The following SACS variants were observed in gnomAD, a reference collection of about 807,000 sequenced individuals.
The protein encoded by SACS is sacsin molecular chaperone, also known as sacsin.
SACS carries 197 observed loss-of-function variants against 348.0 expected under a neutral mutation model. That is an observed-to-expected ratio of 0.57 (90% CI 0.50 to 0.64). The LOEUF is 0.64. SACS is among the 30% of genes least tolerant of loss of function. The pLI is 0.00. For synonymous variants in SACS, 1,985 were observed against 1,910.6 expected (o/e 1.04, Z -1.02); for missense variants, 4,999 against 5,360.8 (o/e 0.93, Z 2.11).
intron 9 of SACS, 46 bp downstream of exon 9, chr13:23,353,739 T>C (rs1266178251): frequency 9.1e-7 from 1 of 1,093,026 alleles, no homozygotes; most frequent in Admixed American, 2.0e-5. Flanking sequence ...AAAAAACTTG[T>C]ATTTTTATAT....
rs1168243208 is a variant in SACS at position 23,411,420 on chromosome 13, T to A, written c.-181A>T. 4.7e-6 allele frequency: 3 copies of A among 643,368 alleles called. No homozygotes were observed. The highest frequency in any genetic ancestry group is 8.4e-6 in the Non-Finnish European group (3 of 358,930). 39.9% of individuals were successfully genotyped at this position (643,368 alleles called of 1,614,324 possible). On this transcript the variant is annotated 5_prime_UTR_variant, in exon 2 of 10. Transcript: ENST00000382292. ...TTCATCATCTGATGTCAGGAAACATTGTCGTGTGTTGCATTTGTATTCCTT... is the reference window on the plus strand; with the variant it reads ...TTCATCATCTGATGTCAGGAAACATAGTCGTGTGTTGCATTTGTATTCCTT...
intron 2 of SACS, among the ~76,000 whole-genome samples, chr13:23,394,690 C>A (rs1053894207): frequency 2.6e-5 from 4 of 152,128 alleles, no homozygotes; most frequent in Admixed American, 6.5e-5. Context: ...CCCATCTCTG[C>A]TAAAAATACA....
rs750316483 is a variant in SACS at position 23,338,979 on chromosome 13, C to T, written c.4897G>A (p.Val1633Ile). Residue 1633 changes from valine to isoleucine, a missense_variant, in exon 10 of 10, where the codon GTA becomes ATA. Physicochemically the swap from Val to Ile is conservative, Grantham distance 29. Coordinates refer to ENST00000382292, the MANE Select transcript of SACS (RefSeq NM_014363.6). ...CCATTATAGCTGTAAGGTGCTTCTA[C>T]AGTCAAAGGTAACTGACAGCCAAAT... is the stretch of plus-strand genomic sequence containing the variant. ...DVFGCQLPLT[V>I]EAPYSYNGTL... The T allele has an allele frequency of 1.2e-6, 2 of 1,613,902 alleles. No individual in the cohort carries two copies. The highest frequency in any genetic ancestry group is 8.5e-7 in the Non-Finnish European group (1 of 1,179,908).
Position 23,337,692 on chromosome 13 carries a change from A to T in SACS, c.6184T>A (p.Phe2062Ile). 1 of 1,612,954 alleles carries T rather than the reference A, an allele frequency of 6.2e-7. No homozygotes were observed. The highest frequency in any genetic ancestry group is 8.5e-7 in the Non-Finnish European group (1 of 1,179,750). ...SEKQFFSEVF[F>I]PNIQEIEAEL... ...GCTTCAATTTCTTGAATATTTGGAA[A>T]AAACACTTCAGAAAAAAACTGTTTC... The change falls in exon 10 of 10, where the codon TTT becomes ATT. Residue 2062 changes from phenylalanine to isoleucine, a missense_variant. By Grantham distance (21) the Phe-to-Ile change is conservative. Transcript: ENST00000382292.
At position 23,420,971 on chromosome 13, in the gene SACS, G is replaced by A. The variant is rs186320980; in HGVS notation, c.-501-9231C>T. On this transcript the variant is annotated intron_variant, in intron 1 of 9. Transcript: ENST00000382292. ...CCACTTGGGTGTTGGTGTCCACCAGGAGCCTAATGTCCACCAGAGTCCTGG... is the reference window on the plus strand; with the variant it reads ...CCACTTGGGTGTTGGTGTCCACCAGAAGCCTAATGTCCACCAGAGTCCTGG... Among the ~76,000 whole-genome samples, 41 of 152,172 alleles carry A rather than the reference G, an allele frequency of 2.7e-4. No individual in the cohort carries two copies. The East Asian group carries it at 6.4e-3, about 24-fold the overall frequency.
Position 23,340,462 on chromosome 13 carries a change from A to G in SACS, c.3414T>C (p.Asn1138=), listed in dbSNP as rs146431793. The G allele has an allele frequency of 1.0e-4, 162 of 1,613,592 alleles. No individual in the cohort carries two copies. The highest frequency in any genetic ancestry group is 1.2e-4 in the Non-Finnish European group (144 of 1,179,888). ...CTTCAGATGATTGCAACAGTGTGTG[A>G]TTCTTATTTAAAACCAGTAAGAGGG... ...AKTLLLVLNK[N]HTLLQSSEGK... Residue 1138 remains asparagine (N), a synonymous_variant, in exon 10 of 10, where the codon AAT becomes AAC. Coordinates refer to ENST00000382292, the MANE Select transcript of SACS (RefSeq NM_014363.6).
At chr13:23,360,619 C>T (rs557741246) in intron 6 of SACS, among the ~76,000 whole-genome samples, 1 of 152,200 alleles carries the variant, frequency 6.6e-6, no homozygotes, top group South Asian at 2.1e-4. Context: ...GACAGCTGAC[C>T]GCTGACCCCT....
intron 3 of SACS, among the ~76,000 whole-genome samples, chr13:23,372,466 T>C (rs1871453677): frequency 6.6e-6 from 1 of 152,248 alleles, no homozygotes; most frequent in African/African-American, 2.4e-5. Context: ...TGCAGCTGCC[T>C]ACTGAACATC....
Position 23,334,920 on chromosome 13 carries a change from G to A in SACS, c.8956C>T (p.His2986Tyr). The A allele has an allele frequency of 6.2e-7, 1 of 1,613,858 alleles. No individual in the cohort carries two copies. The highest frequency in any genetic ancestry group is 8.5e-7 in the Non-Finnish European group (1 of 1,179,832). The part of the protein sequence containing the change: ...CLVKALYNCI[H>Y]EDMKRLLPVV... ...GGTAAAAGACGTTTCATGTCTTCGT[G>A]AATGCAATTGTAAAGTGCTTTCACT... The change falls in exon 10 of 10, where the codon CAC (histidine) becomes TAC (tyrosine). Residue 2986 changes from histidine (H) to tyrosine (Y), a missense_variant. His to Tyr is a moderately conservative substitution (Grantham distance 83). Coordinates refer to ENST00000382292, the MANE Select transcript of SACS (RefSeq NM_014363.6).
At chr13:23,382,189 T>C (rs1048042272) in intron 2 of SACS, among the ~76,000 whole-genome samples, 15 of 152,234 alleles carry the variant, frequency 9.9e-5, no homozygotes, top group African/African-American at 1.7e-4. Context: ...AGTCTCGCTT[T>C]GTTGCCCAGG....
chr13:23,342,638 G>A (rs736175), intron 9 of SACS, among the ~76,000 whole-genome samples: 1 of 151,970 alleles, frequency 6.6e-6, no homozygotes. Flanking sequence ...TGGGGTTTCA[G>A]ATTTTTGGGT....
chr13:23,354,004 C>CA, intron 8 of SACS, 128 bp from the exon 9 acceptor site: 1 of 675,056 alleles, frequency 1.5e-6, no homozygotes, highest in Non-Finnish European at 2.7e-6. Context: ...ATGCACACAT[C>CA]AAATCAAATT....
chr13:23,330,685 G>A lies in SACS; in HGVS notation c.13191C>T (p.Phe4397=), dbSNP rs758008743. The A allele has an allele frequency of 1.9e-6, 3 of 1,614,058 alleles. No individual in the cohort carries two copies. Among genetic ancestry groups the A allele is most frequent in the Non-Finnish European group, 1.7e-6 (2 of 1,179,976 alleles). Residue 4397 remains phenylalanine (F), a synonymous_variant, in exon 10 of 10, where the codon TTC becomes TTT. Coordinates refer to ENST00000382292, the MANE Select transcript of SACS (RefSeq NM_014363.6). ...FQSDKYSFQR[F]YTSWNQEATS... Reference sequence around the variant, plus strand: ...TTGCTTCTTGATTCCATGAAGTATAGAATCTCTGAAATGAGTATTTGTCTG... The same window carrying A: ...TTGCTTCTTGATTCCATGAAGTATAAAATCTCTGAAATGAGTATTTGTCTG...
intron 1 of SACS, among the ~76,000 whole-genome samples, chr13:23,426,177 G>A (rs1249707585): frequency 1.3e-5 from 2 of 152,132 alleles, no homozygotes; most frequent in Non-Finnish European, 2.9e-5. Context: ...ACTTCAGTGA[G>A]CCCAGAAAAT....
At position 23,330,948 on chromosome 13, in the gene SACS, CTTCTT is replaced by C. The variant is rs1057517294; in HGVS notation, c.12923_12927del (p.Lys4308SerfsTer21). On this transcript the variant is annotated frameshift_variant, in exon 10 of 10. Coordinates refer to ENST00000382292, the MANE Select transcript of SACS (RefSeq NM_014363.6). LOFTEE classifies it high-confidence loss of function. ...CATGCTTGCTCCACCACAGATGTCACTTCTTTTAAGATTTCTGGTAAAGAATTAAC... is the reference window on the plus strand; with the variant it reads ...CATGCTTGCTCCACCACAGATGTCACTTAAGATTTCTGGTAAAGAATTAAC... The C allele has an allele frequency of 2.5e-6, 4 of 1,613,968 alleles. No individual in the cohort carries two copies. The highest frequency in any genetic ancestry group is 2.2e-5 in the East Asian group (1 of 44,898).
intron 1 of SACS, among the ~76,000 whole-genome samples, chr13:23,424,952 G>C (rs1465198537): frequency 6.6e-6 from 1 of 152,112 alleles, no homozygotes; most frequent in Non-Finnish European, 1.5e-5. Context: ...TGAAGATATG[G>C]GTGAAGGAGC....
At chr13:23,341,998 A>G (rs1869288130) in intron 9 of SACS, among the ~76,000 whole-genome samples, 1 of 151,988 alleles carries the variant, frequency 6.6e-6, no homozygotes, top group Non-Finnish European at 1.5e-5. Context: ...CATGTTAGCC[A>G]GGATGGTCTC....
rs142967124 is a variant in SACS at position 23,340,893 on chromosome 13, C to G, written c.2983G>C (p.Val995Leu). ...QLKTTSCLKLVLKDIENAFYS... is the reference protein window; with the variant it reads ...QLKTTSCLKLLLKDIENAFYS... ...AATGCATTTTCAATATCTTTTAAAA[C>G]AAGCTTTAAGCAGCTAGTGGTCTTT... Residue 995 changes from valine to leucine, a missense_variant, in exon 10 of 10, where the codon GTT (valine) becomes CTT (leucine). This residue lies in a region of SACS where 3,156 missense variants were observed against 3,380.1 expected (regional missense o/e 0.93). Coordinates refer to ENST00000382292, the MANE Select transcript of SACS (RefSeq NM_014363.6). 2.5e-6 allele frequency: 4 copies of G among 1,611,864 alleles called. No individual in the cohort carries two copies. The African/African-American group carries it at 4.0e-5, about 16-fold the overall frequency.
intron 9 of SACS, among the ~76,000 whole-genome samples, chr13:23,346,259 C>T (rs1869597828): frequency 6.6e-6 from 1 of 152,202 alleles, no homozygotes; most frequent in Non-Finnish European, 1.5e-5. Context: ...AGTTTTCTGC[C>T]TCAGCCTCCC....
Sources: gnomAD v4.1 joint callset for allele counts (sites outside exome capture counted in the v4.1 genomes callset) on GRCh38, gnomAD v4.1.1 for gene constraint, gnomAD v4.1.1 regional missense constraint, MANE v1.5 for transcripts, NCBI Gene and HGNC (gene_info 2026-07-23, HGNC 2026-07-21) for gene names.